NT5E: variants seen among roughly 807,000 people sequenced by gnomAD.
NT5E encodes the protein 5'-nucleotidase ecto.
NT5E carries 53 observed loss-of-function variants against 55.1 expected under a neutral mutation model. The ratio of observed to expected loss-of-function variants is 0.96; its 90% CI spans 0.77 to 1.21. The LOEUF (loss-of-function observed/expected upper bound fraction) is 1.21. Ranked by LOEUF, NT5E falls within the 50% of genes most tolerant of loss-of-function variation. The pLI is 0.00. For missense variants in NT5E, 683 were observed against 724.3 expected, an observed-to-expected ratio of 0.94 and a Z score of 0.65; for synonymous variants, 270 against 278.4, an observed-to-expected ratio of 0.97 and a Z score of 0.30.
At chr6:85,490,390 G>GCT (rs1324845553) in intron 6 of NT5E, 118 bp from the exon 7 acceptor site, 1 of 1,166,982 alleles carries the variant, frequency 8.6e-7, no homozygotes, top group African/African-American at 1.5e-5. Context: ...AGCTAATGAT[G>GCT]CTCTATAAGC....
In NT5E at chr6:85,450,595, G is replaced by A. The variant is rs1055864409; in HGVS notation, c.339+117G>A. ...AGGTCCAGGGCGCGGAGAGATGTGG[G>A]GATAAAGTGAGACTCCGGCCAGTGT... is the stretch of plus-strand genomic sequence containing the variant. On this transcript the variant is annotated intron_variant, in intron 1 of 8. Coordinates refer to ENST00000257770, the MANE Select transcript of NT5E (RefSeq NM_002526.4). The surrounding 1 kb of genome is among the most constrained non-coding windows in gnomAD (Gnocchi z 4.0). 5 of 960,548 alleles carry A rather than the reference G, an allele frequency of 5.2e-6. No homozygotes were observed. In the African/African-American group the frequency reaches 6.5e-5, roughly 12 times the overall value. 59.5% of individuals were successfully genotyped at this position (960,548 alleles called of 1,614,324 possible). A position where few individuals can be genotyped will look rare whatever the true frequency, so the allele number is the denominator to read the frequency against.
rs1197124279 is a variant in NT5E, at chr6:85,450,164, C to A, written c.25C>A (p.Pro9Thr). The change falls in exon 1 of 9, where the codon CCC becomes ACC. Residue 9 changes from proline (P) to threonine (T), a missense_variant. Physicochemically the swap from Pro to Thr is conservative, Grantham distance 38. Coordinates refer to ENST00000257770, the MANE Select transcript of NT5E (RefSeq NM_002526.4). This position sits in a 1 kb window ranked among gnomAD's most constrained non-coding sequence, Gnocchi z 4.0. The part of the protein sequence containing the change: MCPRAARA[P>T]ATLLLALGAV... ...TATGTGTCCCCGAGCCGCGCGGGCG[C>A]CCGCGACGCTACTCCTCGCCCTGGG... The A allele has an allele frequency of 1.3e-6, 2 of 1,594,370 alleles. No homozygotes were observed. Among genetic ancestry groups the A allele is most frequent in the Non-Finnish European group, 8.5e-7 (1 of 1,172,478 alleles).
Position 85,451,029 on chromosome 6 carries a change from C to T in NT5E, c.339+551C>T, listed in dbSNP as rs143378809. ...AGCTCACAGCTTTGGGGTAGATTCT[C>T]TGTTCAATTACCTTCTATGTGACCT... On this transcript the variant is annotated intron_variant, in intron 1 of 8. Coordinates refer to ENST00000257770, the MANE Select transcript of NT5E (RefSeq NM_002526.4). Among the ~76,000 whole-genome samples the T allele has an allele frequency of 1.9e-4, 29 of 152,288 alleles. No individual in the cohort carries two copies. In the East Asian group the frequency reaches 5.0e-3, roughly 26 times the overall value.
chr6:85,457,953 T>G (rs1024891856), intron 1 of NT5E, among the ~76,000 whole-genome samples: 5 of 152,158 alleles, frequency 3.3e-5, no homozygotes, highest in African/African-American at 1.2e-4. Flanking sequence ...CACCCATGCA[T>G]GGGGATTCTT....
intron 2 of NT5E, among the ~76,000 whole-genome samples, chr6:85,469,380 A>C (rs1769259241): frequency 6.6e-6 from 1 of 152,136 alleles, no homozygotes; most frequent in South Asian, 2.1e-4. Context: ...TCTGTGTGCC[A>C]GGCACTGTTT....
chr6:85,468,358 C>T (rs932232902), intron 2 of NT5E, among the ~76,000 whole-genome samples: 1 of 152,072 alleles, frequency 6.6e-6, no homozygotes, highest in Non-Finnish European at 1.5e-5. Flanking sequence ...TGCTAAAGAA[C>T]CCCCCAACCC....
intron 1 of NT5E, among the ~76,000 whole-genome samples, chr6:85,456,807 G>A (rs544745197): frequency 1.3e-5 from 2 of 152,160 alleles, no homozygotes; most frequent in South Asian, 2.1e-4. Flanking sequence ...GAGTAAACGT[G>A]GGGGTGAGAC....
At position 85,494,628 on chromosome 6, in the gene NT5E, T is replaced by C. The variant is rs970771486; in HGVS notation, c.*624T>C. Reference sequence around the variant, plus strand: ...GCCCCAAGCTCATGGATGACAAATCTCTGCTTTATTTCTTGTCTCTATTTT... The same window carrying C: ...GCCCCAAGCTCATGGATGACAAATCCCTGCTTTATTTCTTGTCTCTATTTT... On this transcript the variant is annotated 3_prime_UTR_variant, in exon 9 of 9. Transcript: ENST00000257770. 6.5e-6 allele frequency: 1 copy of C among 153,296 alleles called. No homozygotes were observed. Among genetic ancestry groups the C allele is most frequent in the African/African-American group, 2.4e-5 (1 of 41,474 alleles). The allele number at this position is 153,296 out of a possible 1,614,324, so 9.5% of individuals were successfully genotyped here.
chr6:85,469,699 GT>G (rs1165610711), intron 2 of NT5E, among the ~76,000 whole-genome samples: 3 of 152,226 alleles, frequency 2.0e-5, no homozygotes, highest in African/African-American at 7.2e-5. Flanking sequence ...ATAGACAACA[GT>G]GGCAAAACTA....
At chr6:85,454,405 A>T (rs559014507) in intron 1 of NT5E, among the ~76,000 whole-genome samples, 4 of 152,186 alleles carry the variant, frequency 2.6e-5, no homozygotes, top group Non-Finnish European at 5.9e-5. Flanking sequence ...CTGCTTTATC[A>T]TGTACTTTTC....
intron 4 of NT5E, 149 bp downstream of exon 4, chr6:85,485,581 T>G: frequency 1.3e-6 from 1 of 794,350 alleles, no homozygotes; most frequent in Non-Finnish European, 2.1e-6. Flanking sequence ...GCCCTCTTCA[T>G]GGATAGATTT....
At chr6:85,459,412 A>G (rs1198343621) in intron 1 of NT5E, among the ~76,000 whole-genome samples, 3 of 152,258 alleles carry the variant, frequency 2.0e-5, no homozygotes, top group Non-Finnish European at 4.4e-5. Flanking sequence ...TTTATGTGGA[A>G]CAAAAAAATT....
intron 3 of NT5E, among the ~76,000 whole-genome samples, chr6:85,477,630 T>A (rs552592977): frequency 6.6e-6 from 1 of 152,340 alleles, no homozygotes; most frequent in African/African-American, 2.4e-5. Context: ...GTGTTTACAA[T>A]CATTATTCAT....
chr6:85,483,743 T>A (rs1172859757), intron 3 of NT5E, among the ~76,000 whole-genome samples: 1 of 152,184 alleles, frequency 6.6e-6, no homozygotes, highest in Non-Finnish European at 1.5e-5. Flanking sequence ...CTTCATAACA[T>A]GCTACCCAGC....
intron 1 of NT5E, among the ~76,000 whole-genome samples, chr6:85,455,492 G>A (rs979887288): frequency 2.6e-5 from 4 of 152,222 alleles, no homozygotes; most frequent in African/African-American, 9.7e-5. Flanking sequence ...GCACACCCAG[G>A]TAGGGCATGA....
Position 85,450,385 on chromosome 6 carries a change from C to T in NT5E, c.246C>T (p.Asp82=), listed in dbSNP as rs1403926950. 4 of 1,599,908 alleles carry T rather than the reference C, an allele frequency of 2.5e-6. No individual in the cohort carries two copies. The highest frequency in any genetic ancestry group is 3.5e-5 in the Admixed American group (2 of 57,710). ...RRAEPNVLLL[D]AGDQYQGTIW... The stretch of plus-strand genomic sequence containing the variant: ...CCGAACCCAACGTGCTGCTGCTGGA[C>T]GCCGGCGACCAGTACCAGGGCACTA... Residue 82 remains aspartate, a synonymous_variant, in exon 1 of 9, where the codon GAC becomes GAT. Transcript: ENST00000257770. This position sits in a 1 kb window ranked among gnomAD's most constrained non-coding sequence, Gnocchi z 4.0.
At chr6:85,454,135 T>C (rs2127753667) in intron 1 of NT5E, among the ~76,000 whole-genome samples, 1 of 152,340 alleles carries the variant, frequency 6.6e-6, no homozygotes, top group East Asian at 1.9e-4. Flanking sequence ...GGTTTGGAGA[T>C]GGCGTCTAAC....
intron 3 of NT5E, among the ~76,000 whole-genome samples, chr6:85,471,813 G>A (rs961009675): frequency 2.6e-5 from 4 of 152,108 alleles, no homozygotes; most frequent in African/African-American, 7.2e-5. Context: ...ACAAAATAAT[G>A]TAAATAAGGA....
At chr6:85,452,669 A>T (rs990702336) in intron 1 of NT5E, among the ~76,000 whole-genome samples, 2 of 152,136 alleles carry the variant, frequency 1.3e-5, no homozygotes, top group Non-Finnish European at 2.9e-5. Context: ...ACATGATTTG[A>T]CGTGCATAAA....
Sources: gnomAD v4.1 joint callset for allele counts (sites outside exome capture counted in the v4.1 genomes callset) on GRCh38, gnomAD v4.1.1 for gene constraint, Gnocchi (gnomAD v3.1) non-coding constraint, MANE v1.5 for transcripts, NCBI Gene and HGNC (gene_info 2026-07-23, HGNC 2026-07-21) for gene names.